The following NCKAP5 variants were observed in gnomAD, a reference collection of about 807,000 sequenced individuals.
NCKAP5 encodes nck-associated protein 5.
Under a neutral mutation model 167.0 loss-of-function variants are expected in NCKAP5, and 92 were observed. That is an observed-to-expected ratio of 0.55 (90% CI 0.47 to 0.66). The LOEUF is 0.66. Among genes scored for constraint, NCKAP5 ranks in the 30% least tolerant of loss-of-function variants. NCKAP5 has a pLI of 0.00. For missense variants in NCKAP5, 2,378 were observed against 2,315.0 expected (o/e 1.03, Z -0.56); for synonymous variants, 891 against 877.4 (o/e 1.02, Z -0.27).
At chr2:133,277,954 G>A (rs923467359) in intron 4 of NCKAP5, among the ~76,000 whole-genome samples, 2 of 152,038 alleles carry the variant, frequency 1.3e-5, no homozygotes, top group East Asian at 3.9e-4. Context: ...AACATTAAAT[G>A]TATACCTCCC....
chr2:132,905,787 C>A (rs1008365836), intron 8 of NCKAP5, among the ~76,000 whole-genome samples: 4 of 152,178 alleles, frequency 2.6e-5, no homozygotes, highest in Non-Finnish European at 5.9e-5. Context: ...TCATACCTGA[C>A]CACCTTACTG....
chr2:132,939,193 G>A (rs1697089527), intron 8 of NCKAP5, among the ~76,000 whole-genome samples: 1 of 152,132 alleles, frequency 6.6e-6, no homozygotes, highest in Non-Finnish European at 1.5e-5. Flanking sequence ...TCTCCCCACA[G>A]CTTAATTTAT....
chr2:132,887,981 G>A (rs1692389666), intron 8 of NCKAP5, among the ~76,000 whole-genome samples: 1 of 152,056 alleles, frequency 6.6e-6, no homozygotes, highest in Non-Finnish European at 1.5e-5. Context: ...CACAAGTAGG[G>A]GCCACACATT....
intron 6 of NCKAP5, among the ~76,000 whole-genome samples, chr2:133,016,137 A>C (rs1049483787): frequency 1.3e-5 from 2 of 152,212 alleles, no homozygotes; most frequent in African/African-American, 4.8e-5. Context: ...ATTTAGCAAA[A>C]TTCAGATGAC....
At chr2:132,840,540 G>A (rs1187550797) in intron 11 of NCKAP5, among the ~76,000 whole-genome samples, 1 of 152,144 alleles carries the variant, frequency 6.6e-6, no homozygotes, top group African/African-American at 2.4e-5. Context: ...GCATCCCAAA[G>A]TGCTGGGATT....
At chr2:132,791,409 T>A (rs1684060510) in intron 12 of NCKAP5, among the ~76,000 whole-genome samples, 1 of 152,222 alleles carries the variant, frequency 6.6e-6, no homozygotes, top group African/African-American at 2.4e-5. Context: ...TGGTTCTTCA[T>A]AAGGCAAGGG....
chr2:132,875,825 G>A (rs928817672), intron 9 of NCKAP5, among the ~76,000 whole-genome samples: 4 of 152,170 alleles, frequency 2.6e-5, no homozygotes, highest in South Asian at 2.1e-4. Context: ...GAGCAGTAGC[G>A]GTGAGGATGA....
At chr2:133,527,067 T>A (rs1684985042) in intron 2 of NCKAP5, 1 of 149,042 alleles carries the variant, frequency 6.7e-6, no homozygotes, top group Admixed American at 7.1e-5. Flanking sequence ...CAAGCTTACT[T>A]TTTTTTTTTC....
intron 1 of NCKAP5, among the ~76,000 whole-genome samples, chr2:133,562,497 T>G (rs1167833988): frequency 1.3e-5 from 2 of 152,230 alleles, no homozygotes; most frequent in African/African-American, 2.4e-5. Context: ...ATGAAGCAAG[T>G]TGCCTTTATG....
At chr2:132,709,264 A>C (rs1688640096) in intron 19 of NCKAP5, among the ~76,000 whole-genome samples, 1 of 152,154 alleles carries the variant, frequency 6.6e-6, no homozygotes, top group Non-Finnish European at 1.5e-5. Context: ...CAGAAACATC[A>C]AAAATGAACA....
chr2:133,329,448 C>A (rs545543523), intron 3 of NCKAP5, among the ~76,000 whole-genome samples: 62 of 152,206 alleles, frequency 4.1e-4, no homozygotes, highest in African/African-American at 1.4e-3. Context: ...TAGAATCTAC[C>A]TACCAAGGAC....
intron 19 of NCKAP5, among the ~76,000 whole-genome samples, chr2:132,687,373 G>A (rs1274848080): frequency 1.3e-5 from 2 of 152,186 alleles, no homozygotes; most frequent in Non-Finnish European, 1.5e-5. Context: ...CTACCAGAGG[G>A]AGGGTGAAAG....
At chr2:132,794,317 A>AAG (rs1438619258) in intron 12 of NCKAP5, among the ~76,000 whole-genome samples, 1 of 52,402 alleles carries the variant, frequency 1.9e-5, no homozygotes, top group Non-Finnish European at 4.4e-5. Context: ...GGGTGGCGGG[A>AAG]AGAGAGAGAG....
intron 11 of NCKAP5, among the ~76,000 whole-genome samples, chr2:132,828,218 C>T (rs879570601): frequency 6.6e-6 from 1 of 152,136 alleles, no homozygotes; most frequent in African/African-American, 2.4e-5. Flanking sequence ...ATGGTCCAAT[C>T]TGTGCTATTT....
chr2:133,380,903 T>G (rs113156812), intron 3 of NCKAP5, among the ~76,000 whole-genome samples: 26 of 152,292 alleles, frequency 1.7e-4, no homozygotes, highest in African/African-American at 5.8e-4. Flanking sequence ...CATTTAAAAA[T>G]AGAAAAGTAG....
At chr2:133,341,795 C>CA (rs890085512) in intron 3 of NCKAP5, among the ~76,000 whole-genome samples, 10 of 152,214 alleles carry the variant, frequency 6.6e-5, no homozygotes, top group African/African-American at 2.4e-4. Context: ...GCACCTGGGA[C>CA]AGAGCCTGGA....
intron 6 of NCKAP5, among the ~76,000 whole-genome samples, chr2:133,085,873 A>G (rs1451868838): frequency 6.6e-6 from 1 of 152,156 alleles, no homozygotes; most frequent in Non-Finnish European, 1.5e-5. Flanking sequence ...GGACAAGTAG[A>G]TGAGAAAAGG....
At chr2:133,459,886 T>C (rs762546301) in intron 3 of NCKAP5, among the ~76,000 whole-genome samples, 2 of 152,138 alleles carry the variant, frequency 1.3e-5, no homozygotes, top group Non-Finnish European at 2.9e-5. Flanking sequence ...TGTAGGTCCA[T>C]GTGGAATGAA....
At chr2:133,364,176 G>A (rs1219276291) in intron 3 of NCKAP5, among the ~76,000 whole-genome samples, 1 of 152,226 alleles carries the variant, frequency 6.6e-6, no homozygotes, top group East Asian at 1.9e-4. Context: ...CAGGCATCTG[G>A]TAAGTGGCAG....
Sources: gnomAD v4.1 joint callset for allele counts (sites outside exome capture counted in the v4.1 genomes callset) on GRCh38, gnomAD v4.1.1 for gene constraint, MANE v1.5 for transcripts, NCBI Gene and HGNC (gene_info 2026-07-23, HGNC 2026-07-21) for gene names.